The following HYDIN variants were observed in gnomAD, a reference collection of about 807,000 sequenced individuals.
The protein encoded by HYDIN is HYDIN axonemal central pair apparatus protein, also known as axonemal central pair apparatus protein HYDIN.
A neutral mutation model predicts 403.9 loss-of-function variants in HYDIN; 132 were observed. That is an observed-to-expected ratio of 0.33 (90% CI 0.28 to 0.38). HYDIN has a LOEUF of 0.38. HYDIN is among the 10% of genes least tolerant of loss of function. The pLI is 1.00. For synonymous variants in HYDIN, 1,202 were observed against 1,891.7 expected, an observed-to-expected ratio of 0.64 and a Z score of 9.46; for missense variants, 2,827 against 5,009.5, an observed-to-expected ratio of 0.56 and a Z score of 13.15.
intron 53 of HYDIN, among the ~76,000 whole-genome samples, chr16:70,896,619 G>T (rs1279037789): frequency 6.7e-6 from 1 of 148,722 alleles, no homozygotes; most frequent in Non-Finnish European, 1.5e-5. Context: ...GCCTCCAAAA[G>T]TGTTGGGGTT....
chr16:71,012,269 G>A (rs573988462), intron 23 of HYDIN, among the ~76,000 whole-genome samples: 221 of 152,394 alleles, frequency 1.5e-3, no homozygotes, highest in Admixed American at 6.1e-3. Flanking sequence ...CGACAGCTGT[G>A]TGGTCATGAA....
intron 47 of HYDIN, among the ~76,000 whole-genome samples, chr16:70,911,432 G>T (rs1189052580): frequency 6.8e-6 from 1 of 147,050 alleles, no homozygotes; most frequent in East Asian, 2.0e-4. Context: ...AAGTATTTGG[G>T]TTTCTTTCTG....
rs144676749 is a variant in HYDIN, at chr16:70,951,159, C to T, written c.6531+1262G>A. On this transcript the variant is annotated intron_variant, in intron 41 of 85. Coordinates refer to ENST00000393567, the MANE Select transcript of HYDIN (RefSeq NM_001270974.2). ...CTGGGGTGGAAGGATTGCTTAAGCC[C>T]GGGAGCTCAAGGCCGCAGTGAACAA... is the stretch of plus-strand genomic sequence containing the variant. Among the ~76,000 whole-genome samples, 110 of 151,842 alleles carry T rather than the reference C, an allele frequency of 7.2e-4. 3 individuals are homozygous for T. The East Asian group carries it at 0.019, about 26-fold the overall frequency.
chr16:70,926,110 G>A (rs1427076121), intron 45 of HYDIN, among the ~76,000 whole-genome samples: 1 of 148,272 alleles, frequency 6.7e-6, no homozygotes, highest in Non-Finnish European at 1.5e-5. Flanking sequence ...CCCATTACTG[G>A]GTATATACCC....
chr16:71,225,278 A>G (rs1030266044), intron 1 of HYDIN, among the ~76,000 whole-genome samples: 3 of 152,180 alleles, frequency 2.0e-5, no homozygotes. Flanking sequence ...CTGGGCCTGG[A>G]ACATTCCTAG....
chr16:71,130,974 T>C (rs2084690985), intron 8 of HYDIN, among the ~76,000 whole-genome samples: 1 of 128,852 alleles, frequency 7.8e-6, no homozygotes, highest in Non-Finnish European at 1.6e-5. Flanking sequence ...TATGTTCACA[T>C]TTCTCCTGAA....
At chr16:71,128,495 G>A (rs368008971) in intron 9 of HYDIN, among the ~76,000 whole-genome samples, 4 of 151,966 alleles carry the variant, frequency 2.6e-5, no homozygotes, top group African/African-American at 4.8e-5. Flanking sequence ...AAGTGTCCTC[G>A]TGTCCATGTC....
rs757754723 is a variant in HYDIN at position 70,818,439 on chromosome 16, A to G, written c.14561T>C (p.Leu4854Ser). Residue 4854 changes from leucine (L) to serine (S), a missense_variant, in exon 84 of 86, where the codon TTG becomes TCG. Coordinates refer to ENST00000393567, the MANE Select transcript of HYDIN (RefSeq NM_001270974.2). The part of the protein sequence containing the change: ...VRQVASASIK[L>S]ENPLPYSVTF... ...CACCGAGTAGGGCAGAGGGTTCTCCAACTTGATGGAGGCTGACGCAACTTG... is the reference window on the plus strand; with the variant it reads ...CACCGAGTAGGGCAGAGGGTTCTCCGACTTGATGGAGGCTGACGCAACTTG... The G allele has an allele frequency of 2.7e-5, 44 of 1,610,884 alleles. No individual in the cohort carries two copies. In the South Asian group the frequency reaches 4.4e-4, roughly 16 times the overall value.
intron 27 of HYDIN, among the ~76,000 whole-genome samples, chr16:70,985,928 G>T (rs939999340): frequency 3.0e-5 from 1 of 32,972 alleles, no homozygotes; most frequent in Non-Finnish European, 6.3e-5. Flanking sequence ...ACACAGGAAG[G>T]GGAACATCAC....
At chr16:70,813,942 CAT>C (rs902127846) in intron 84 of HYDIN, among the ~76,000 whole-genome samples, 1 of 152,098 alleles carries the variant, frequency 6.6e-6, no homozygotes, top group Non-Finnish European at 1.5e-5. Flanking sequence ...ATTATGATAT[CAT>C]AGAAAAGCTA....
chr16:70,892,293 T>C, intron 56 of HYDIN, 68 bp downstream of exon 56: 2 of 1,546,048 alleles, frequency 1.3e-6, no homozygotes, highest in Non-Finnish European at 1.7e-6. Context: ...AGGTCATGTA[T>C]CCTTCTTTGC....
Position 70,985,112 on chromosome 16 carries a change from G to A in HYDIN, c.4332+73C>T, listed in dbSNP as rs557345635. On this transcript the variant is annotated intron_variant, in intron 28 of 85. Coordinates refer to ENST00000393567, the MANE Select transcript of HYDIN (RefSeq NM_001270974.2). ...AAGAAAAAATCACACTTGTAATCCT[G>A]GTCGTGAATACTCACCTGCTTCGGA... 4.0e-6 allele frequency: 5 copies of A among 1,247,502 alleles called. No individual in the cohort carries two copies. The Admixed American group carries it at 6.6e-5, about 17-fold the overall frequency. 77.3% of individuals were successfully genotyped at this position (1,247,502 alleles called of 1,614,324 possible).
chr16:71,074,759 C>T (rs2082578445), intron 13 of HYDIN, among the ~76,000 whole-genome samples: 1 of 149,510 alleles, frequency 6.7e-6, no homozygotes, highest in Admixed American at 6.7e-5. Context: ...CTCTCCACAT[C>T]CTCCAGTGCC....
intron 73 of HYDIN, among the ~76,000 whole-genome samples, chr16:70,853,342 G>A (rs1353971099): frequency 4.0e-5 from 6 of 149,822 alleles, no homozygotes; most frequent in African/African-American, 9.9e-5. Flanking sequence ...TGCCATTATC[G>A]TATGTCCATT....
intron 9 of HYDIN, among the ~76,000 whole-genome samples, chr16:71,116,137 T>C (rs1035187281): frequency 2.0e-5 from 3 of 152,002 alleles, no homozygotes; most frequent in Non-Finnish European, 4.4e-5. Context: ...GTTTGTACCC[T>C]TTGACCAACA....
At chr16:70,819,399 TTTA>T (rs2036077434) in intron 83 of HYDIN, among the ~76,000 whole-genome samples, 2 of 152,018 alleles carry the variant, frequency 1.3e-5, no homozygotes, top group African/African-American at 4.8e-5. Flanking sequence ...TTTAATTTAA[TTTA>T]ATTTAATTTT....
At chr16:70,808,946 G>A (rs145758998) in intron 85 of HYDIN, among the ~76,000 whole-genome samples, 26 of 152,312 alleles carry the variant, frequency 1.7e-4, no homozygotes, top group South Asian at 1.0e-3. Flanking sequence ...GCAGAGCATC[G>A]GGACAGAAGA....
chr16:71,051,263 C>T lies in HYDIN; in HGVS notation c.2529+9241G>A, dbSNP rs555076263. ...ACAGGAAATGCATTACATTTCAGCA[C>T]GTGTTAATGATAACAAATAAGAAAG... On this transcript the variant is annotated intron_variant, in intron 18 of 85. Transcript: ENST00000393567. Among the ~76,000 whole-genome samples, 7 of 152,178 alleles carry T rather than the reference C, an allele frequency of 4.6e-5. No individual in the cohort carries two copies. The East Asian group carries it at 9.7e-4, about 21-fold the overall frequency.
In HYDIN at chr16:71,183,960, G is replaced by A. The variant is rs139458760; in HGVS notation, c.261+905C>T. Among the ~76,000 whole-genome samples the A allele has an allele frequency of 1.9e-3, 284 of 152,162 alleles. 5 individuals are homozygous for A. Among genetic ancestry groups the A allele is most frequent in the African/African-American group, 6.5e-3 (268 of 41,540 alleles). On this transcript the variant is annotated intron_variant, in intron 3 of 85. Coordinates refer to ENST00000393567, the MANE Select transcript of HYDIN (RefSeq NM_001270974.2). Reference sequence around the variant, plus strand: ...TGTTATGTGTTATGCTTTCAGAAAAGAGGAAATGGTCCTTAATTAGAAGAA... The same window carrying A: ...TGTTATGTGTTATGCTTTCAGAAAAAAGGAAATGGTCCTTAATTAGAAGAA...
Sources: allele counts gnomAD v4.1 joint callset (sites outside exome capture counted in the v4.1 genomes callset), GRCh38; gene constraint gnomAD v4.1.1; transcripts MANE v1.5; gene names NCBI Gene and HGNC (gene_info 2026-07-23, HGNC 2026-07-21).